Variants in PLA2G6 observed in about 807,000 individuals in gnomAD.
The protein encoded by PLA2G6 is phospholipase A2 group VI.
In PLA2G6, 62 loss-of-function variants were observed where a neutral mutation model predicts 83.8. The ratio of observed to expected loss-of-function variants is 0.74; its 90% CI spans 0.60 to 0.91. The LOEUF is 0.91. Ranked by LOEUF, PLA2G6 falls within the 40% of genes least tolerant of loss-of-function variation. The pLI is 0.00. For missense variants in PLA2G6, 944 were observed against 1,102.0 expected (o/e 0.86, Z 2.03); for synonymous variants, 417 against 449.8 (o/e 0.93, Z 0.92).
In PLA2G6 at chr22:38,126,205, G is replaced by A. The variant is rs759610996; in HGVS notation, c.1427+166C>T. On this transcript the variant is annotated intron_variant, in intron 10 of 16. Coordinates refer to ENST00000332509, the MANE Select transcript of PLA2G6 (RefSeq NM_003560.4). The stretch of plus-strand genomic sequence containing the variant: ...CCAGCATTAATGAACGAGCGACACA[G>A]GCTCTCCATGTTCTGTCTCTGCTGA... The A allele has an allele frequency of 4.3e-6, 3 of 698,684 alleles. No individual in the cohort carries two copies. The South Asian group carries it at 4.4e-5, about 10-fold the overall frequency. The allele number at this position is 698,684 out of a possible 1,614,324, so 43.3% of individuals were successfully genotyped here. A position where few individuals can be genotyped will look rare whatever the true frequency, so the allele number is the denominator to read the frequency against.
At chr22:38,139,891 A>ATGGTGGAT in intron 5 of PLA2G6, 91 bp downstream of exon 5, 1 of 1,036,242 alleles carries the variant, frequency 9.7e-7, no homozygotes, top group Admixed American at 2.0e-5. Flanking sequence ...GCTAAGATCT[A>ATGGTGGAT]TGGTGGATAC....
Position 38,129,454 on chromosome 22 carries a change from G to A in PLA2G6, c.1186C>T (p.Leu396Phe), listed in dbSNP as rs778423680. The A allele has an allele frequency of 1.2e-6, 2 of 1,600,414 alleles. No individual in the cohort carries two copies. Among genetic ancestry groups the A allele is most frequent in the African/African-American group, 1.3e-5 (1 of 74,774 alleles). Residue 396 changes from leucine to phenylalanine, a missense_variant and splice_region_variant, in exon 8 of 17, where the codon CTT becomes TTT. Leu to Phe is a conservative substitution (Grantham distance 22). Transcript: ENST00000332509. ...CAGCCCCAGAGTGCAGAGCACATAC[G>A]TCTGCCGATTTTGGAGGCTAGGAAT... ...PTFLASKIGR[L>F]VTRKAILTLL...
At chr22:38,151,670 G>A (rs989929033) in intron 2 of PLA2G6, among the ~76,000 whole-genome samples, 1 of 152,200 alleles carries the variant, frequency 6.6e-6, no homozygotes, top group African/African-American at 2.4e-5. Flanking sequence ...ATAGCGTCTT[G>A]TTGGGTTTAA....
At chr22:38,152,869 T>C (rs1194144474) in intron 2 of PLA2G6, among the ~76,000 whole-genome samples, 11 of 152,060 alleles carry the variant, frequency 7.2e-5, no homozygotes, top group Admixed American at 7.2e-4. Flanking sequence ...AAAAGCATTA[T>C]GCTAAGTGAA....
At chr22:38,159,727 A>AGGAC (rs1319725228) in intron 2 of PLA2G6, among the ~76,000 whole-genome samples, 1 of 111,454 alleles carries the variant, frequency 9.0e-6, no homozygotes, top group Non-Finnish European at 2.1e-5. Context: ...GATAGATGAA[A>AGGAC]GGAAGGAAGG....
At chr22:38,116,859 A>AAAAAAAAAAC (rs1261101063) in intron 12 of PLA2G6, among the ~76,000 whole-genome samples, 4 of 150,740 alleles carry the variant, frequency 2.7e-5, no homozygotes, top group Non-Finnish European at 5.9e-5. Flanking sequence ...CTCAAAAAAA[A>AAAAAAAAAAC]AAAAAAAAAA....
At chr22:38,125,271 G>A (rs966460591) in intron 10 of PLA2G6, among the ~76,000 whole-genome samples, 2 of 149,660 alleles carry the variant, frequency 1.3e-5, no homozygotes, top group African/African-American at 4.9e-5. Flanking sequence ...GGCAACACAT[G>A]CATGTGGGCA....
intron 14 of PLA2G6, 133 bp from the exon 15 acceptor site, chr22:38,113,787 G>A: frequency 1.2e-6 from 1 of 821,278 alleles, no homozygotes. Flanking sequence ...CTGGTGGCAA[G>A]AGCATGCCTG....
rs1451486649 is a variant in PLA2G6, at chr22:38,116,176, G to C, written c.1778C>G (p.Pro593Arg). The change falls in exon 13 of 17, where the codon CCG (proline) becomes CGG (arginine). Residue 593 changes from proline to arginine, a missense_variant. By Grantham distance (103) the Pro-to-Arg change is moderately radical (BLOSUM62 -2). Transcript: ENST00000332509. The part of the protein sequence containing the change: ...MLTGTLSDRQ[P>R]AELHLFRNYD... ...GTTCCGGAAGAGGTGGAGTTCAGCC[G>C]GCTGCCGGTCAGACAGTGTCCCTGT... 1 of 1,613,782 alleles carries C rather than the reference G, an allele frequency of 6.2e-7. No individual in the cohort carries two copies. The highest frequency in any genetic ancestry group is 8.5e-7 in the Non-Finnish European group (1 of 1,179,960).
chr22:38,155,213 C>T (rs1386724722), intron 2 of PLA2G6, among the ~76,000 whole-genome samples: 1 of 147,130 alleles, frequency 6.8e-6, no homozygotes, highest in Non-Finnish European at 1.5e-5. Context: ...GGCGACAGAG[C>T]AAGACTCCAT....
chr22:38,123,180 C>G lies in PLA2G6; in HGVS notation c.1506G>C (p.Lys502Asn), dbSNP rs1555988382. ...GGTCCTTGGTGGCCACACCCGAGGC[C>G]TTCTCGATGGCGATGAGGAGCTGGA... ...IIIQLLIAIE[K>N]ASGVATKDLF... Residue 502 changes from lysine (K) to asparagine (N), a missense_variant, in exon 11 of 17, where the codon AAG (lysine) becomes AAC (asparagine). Coordinates refer to ENST00000332509, the MANE Select transcript of PLA2G6 (RefSeq NM_003560.4). This position sits in a 1 kb window ranked among gnomAD's most constrained non-coding sequence, Gnocchi z 4.1. 2.2e-5 allele frequency: 34 copies of G among 1,552,368 alleles called. No homozygotes were observed. The highest frequency in any genetic ancestry group is 2.9e-5 in the Non-Finnish European group (33 of 1,147,958).
chr22:38,169,269 C>T lies in PLA2G6; in HGVS notation c.158G>A (p.Arg53His), dbSNP rs141050017. 20 of 1,614,054 alleles carry T rather than the reference C, an allele frequency of 1.2e-5. No individual in the cohort carries two copies. The East Asian group carries it at 2.0e-4, about 16-fold the overall frequency. The change falls in exon 2 of 17, where the codon CGC (arginine) becomes CAC (histidine). Residue 53 changes from arginine (R) to histidine (H), a missense_variant. Arg to His is a conservative substitution (Grantham distance 29). Transcript: ENST00000332509. ...QLILFQNTPN[R>H]TWDCVLVNPR... is the part of the protein sequence containing the mutation. ...GTTGACCAGGACGCAGTCCCAGGTG[C>T]GGTTGGGAGTGTTCTGGAACAGAAT...
chr22:38,145,347 A>C (rs2089183963), intron 3 of PLA2G6, 91 bp downstream of exon 3: 2 of 1,115,842 alleles, frequency 1.8e-6, no homozygotes, highest in Non-Finnish European at 2.7e-6. Context: ...TTTTAAGTCA[A>C]ACTATGGAGG....
intron 5 of PLA2G6, chr22:38,139,663 G>A (rs759865367): frequency 7.6e-6 from 2 of 262,058 alleles, no homozygotes; most frequent in South Asian, 4.7e-5. Flanking sequence ...TCGAACTCCC[G>A]ACCTCAGGTG....
chr22:38,122,383 C>T (rs567224191), intron 11 of PLA2G6, among the ~76,000 whole-genome samples: 18 of 152,216 alleles, frequency 1.2e-4, no homozygotes, highest in Admixed American at 1.0e-3. Flanking sequence ...TCTGGCAGTG[C>T]CCCTCCCCAC....
intron 9 of PLA2G6, chr22:38,127,084 C>T: frequency 9.1e-7 from 1 of 1,101,624 alleles, no homozygotes; most frequent in Non-Finnish European, 1.1e-6. Flanking sequence ...GACTAGCTGC[C>T]CCTCCTGACA....
chr22:38,153,053 A>C (rs1366848909), intron 2 of PLA2G6, among the ~76,000 whole-genome samples: 1 of 151,846 alleles, frequency 6.6e-6, no homozygotes, highest in Non-Finnish European at 1.5e-5. Context: ...AAATTTGGAG[A>C]ATAACAGAAA....
Position 38,140,067 on chromosome 22 carries a change from C to T in PLA2G6, c.712G>A (p.Val238Met), listed in dbSNP as rs781706286. 24 of 1,613,848 alleles carry T rather than the reference C, an allele frequency of 1.5e-5. No homozygotes were observed. The highest frequency in any genetic ancestry group is 5.3e-5 in the African/African-American group (4 of 74,898). The change falls in exon 5 of 17, where the codon GTG becomes ATG. Residue 238 changes from valine to methionine, a missense_variant. Val to Met is a conservative substitution (Grantham distance 21). Coordinates refer to ENST00000332509, the MANE Select transcript of PLA2G6 (RefSeq NM_003560.4). The part of the protein sequence containing the change: ...CQLGKQEMVR[V>M]LLLCNARCNI... ...CACCGAGCATTGCACAGCAGCAGCA[C>T]GCGGACCATCTCCTGCTTCCCCAGC...
chr22:38,163,924 C>A (rs368426753), intron 2 of PLA2G6, among the ~76,000 whole-genome samples: 8 of 152,040 alleles, frequency 5.3e-5, no homozygotes, highest in Non-Finnish European at 1.0e-4. Flanking sequence ...AGTTTTATGG[C>A]AAAGTCCCAG....
Sources: gnomAD v4.1 joint callset for allele counts (sites outside exome capture counted in the v4.1 genomes callset) on GRCh38, gnomAD v4.1.1 for gene constraint, Gnocchi (gnomAD v3.1) non-coding constraint, MANE v1.5 for transcripts, NCBI Gene and HGNC (gene_info 2026-07-23, HGNC 2026-07-21) for gene names.